PAK4: variants seen among roughly 807,000 people sequenced by gnomAD.
PAK4 encodes the protein p21 (RAC1) activated kinase 4.
A neutral mutation model predicts 53.5 loss-of-function variants in PAK4; 49 were observed. That is an observed-to-expected ratio of 0.92 (90% confidence interval 0.73 to 1.16). The LOEUF (loss-of-function observed/expected upper bound fraction) is 1.16, where lower values mean the gene tolerates loss of function less well. Ranked by LOEUF, PAK4 falls within the 50% of genes most tolerant of loss-of-function variation. The probability of loss-of-function intolerance (pLI) is 0.00; values close to 1 mark genes in which losing one functional copy is unlikely to be tolerated. For synonymous variants in PAK4, 376 were observed against 375.6 expected (o/e 1.00, Z -0.01); for missense variants, 824 against 850.7 (o/e 0.97, Z 0.39).
rs1383192619 is a variant in PAK4, at chr19:39,174,924, T to C, written c.1099-7T>C. 1.2e-6 allele frequency: 2 copies of C among 1,612,804 alleles called. No homozygotes were observed. The highest frequency in any genetic ancestry group is 3.3e-5 in the Admixed American group (2 of 59,974). Reference sequence around the variant, plus strand: ...CTCCCTCCACCACTGACCCAGCCCCTGCACAGGTGGTAATCATGAGGGACT... The same window carrying C: ...CTCCCTCCACCACTGACCCAGCCCCCGCACAGGTGGTAATCATGAGGGACT... On this transcript the variant is annotated splice_region_variant and splice_polypyrimidine_tract_variant and intron_variant, in intron 4 of 8. Coordinates refer to ENST00000358301, the Ensembl canonical transcript of PAK4.
rs1183950497 is a variant in PAK4, at chr19:39,173,857, C to T, written c.945C>T (p.Gly315=). ...CCCTGCAGCTGGTGGTGGACCCAGG[C>T]GACCCCCGCTCCTACCTGGACAACT... Residue 315 remains glycine (G), a synonymous_variant, in exon 4 of 9, where the codon GGC becomes GGT. Coordinates refer to ENST00000358301, the Ensembl canonical transcript of PAK4. This position sits in a 1 kb window ranked among gnomAD's most constrained non-coding sequence, Gnocchi z 6.9. 15 of 1,612,540 alleles carry T rather than the reference C, an allele frequency of 9.3e-6. No homozygotes were observed. The highest frequency in any genetic ancestry group is 1.0e-5 in the Non-Finnish European group (12 of 1,179,824).
At chr19:39,130,555 G>C (rs891420163) in intron 1 of PAK4, among the ~76,000 whole-genome samples, 1 of 152,102 alleles carries the variant, frequency 6.6e-6, no homozygotes, top group Non-Finnish European at 1.5e-5. Context: ...GAATGACCTC[G>C]GAATGGTCGA....
intron 1 of PAK4, among the ~76,000 whole-genome samples, chr19:39,166,056 G>C (rs980964082): frequency 6.6e-6 from 1 of 152,218 alleles, no homozygotes. Context: ...AATGGTGACC[G>C]GCACTTACTG....
At chr19:39,153,436 T>C (rs1478442262) in intron 1 of PAK4, among the ~76,000 whole-genome samples, 1 of 151,892 alleles carries the variant, frequency 6.6e-6, no homozygotes, top group Non-Finnish European at 1.5e-5. Context: ...TTTTTGTGTT[T>C]TGTTGTTGTT....
intron 1 of PAK4, among the ~76,000 whole-genome samples, chr19:39,135,663 G>A (rs1032684586): frequency 1.3e-5 from 2 of 151,944 alleles, no homozygotes; most frequent in African/African-American, 2.4e-5. Context: ...CCAGCTTTGC[G>A]CTGGGGCCCA....
At chr19:39,179,220 T>C (rs1427856762) in exon 9 of PAK4, 1 of 152,590 alleles carries the variant, frequency 6.6e-6, no homozygotes, top group African/African-American at 2.4e-5. Flanking sequence ...TAGAAGTCTA[T>C]TTATATTGTC....
chr19:39,165,345 A>AC (rs2074354795), intron 1 of PAK4, among the ~76,000 whole-genome samples: 1 of 119,332 alleles, frequency 8.4e-6, no homozygotes, highest in Non-Finnish European at 1.8e-5. Context: ...TACTAAAAAT[A>AC]CAAAAAAAAA....
Position 39,173,482 on chromosome 19 carries a change from A to C in PAK4, c.664-94A>C. ...ACCGTGCATCTCATCCTGACCACCC[A>C]TGTGTCTGTCCCATCGCTGGGTCTC... is the stretch of plus-strand genomic sequence containing the variant. On this transcript the variant is annotated intron_variant, in intron 3 of 8. Coordinates refer to ENST00000358301, the Ensembl canonical transcript of PAK4. The surrounding 1 kb of genome is among the most constrained non-coding windows in gnomAD (Gnocchi z 6.9). 7.6e-7 allele frequency: 1 copy of C among 1,321,340 alleles called. No homozygotes were observed. The highest frequency in any genetic ancestry group is 1.0e-6 in the Non-Finnish European group (1 of 977,424). 81.9% of individuals were successfully genotyped at this position (1,321,340 alleles called of 1,614,324 possible). A position where few individuals can be genotyped will look rare whatever the true frequency, so the allele number is the denominator to read the frequency against.
At chr19:39,155,162 G>A (rs1243541996) in intron 1 of PAK4, among the ~76,000 whole-genome samples, 1 of 152,122 alleles carries the variant, frequency 6.6e-6, no homozygotes, top group Non-Finnish European at 1.5e-5. Flanking sequence ...TCCTGGGTCC[G>A]GGCACCCAGC....
At position 39,173,613 on chromosome 19, in the gene PAK4, C is replaced by T. The variant is rs781089350; in HGVS notation, c.701C>T (p.Ala234Val). The change falls in exon 4 of 9, where the codon GCG (alanine) becomes GTG (valine). Residue 234 changes from alanine (A) to valine (V), a missense_variant. Physicochemically the swap from Ala to Val is moderately conservative, Grantham distance 64 (BLOSUM62 0). Around this residue, in one of 2 missense-constraint regions of PAK4, gnomAD observed 478 missense variants for 435.8 expected, o/e 1.10. Transcript: ENST00000358301. This position sits in a 1 kb window ranked among gnomAD's most constrained non-coding sequence, Gnocchi z 6.9. ...GACGTGGCCCCTAACGGGCCATCAG[C>T]GGGGGGCCTGGCCATCCCCCAGTCC... The T allele has an allele frequency of 5.9e-6, 9 of 1,535,086 alleles. No homozygotes were observed. Among genetic ancestry groups the T allele is most frequent in the Admixed American group, 4.2e-5 (2 of 47,472 alleles).
Position 39,173,529 on chromosome 19 carries a change from C to G in PAK4, c.664-47C>G, listed in dbSNP as rs770848781. On this transcript the variant is annotated intron_variant, in intron 3 of 8. Coordinates refer to ENST00000358301, the Ensembl canonical transcript of PAK4. The surrounding 1 kb of genome is among the most constrained non-coding windows in gnomAD (Gnocchi z 6.9). ...TCTCTCTCCTGCTTAGGGAGCAGAG[C>G]TGCTCCCTGGCACCCATCACTGACA... 1.6e-5 allele frequency: 24 copies of G among 1,457,552 alleles called. No individual in the cohort carries two copies. The highest frequency in any genetic ancestry group is 2.2e-5 in the Non-Finnish European group (24 of 1,081,138). The allele number at this position is 1,457,552 out of a possible 1,614,324, so 90.3% of individuals were successfully genotyped here. A position where few individuals can be genotyped will look rare whatever the true frequency, so the allele number is the denominator to read the frequency against.
chr19:39,148,351 T>C (rs1568506361), intron 1 of PAK4, among the ~76,000 whole-genome samples: 1 of 152,016 alleles, frequency 6.6e-6, no homozygotes, highest in Non-Finnish European at 1.5e-5. Context: ...ATACGGACTT[T>C]TGCAGAGCAA....
At chr19:39,176,529 C>A in intron 6 of PAK4, 61 bp from the exon 8 acceptor site, 1 of 1,606,316 alleles carries the variant, frequency 6.2e-7, no homozygotes, top group East Asian at 2.2e-5. Context: ...CAGGCAGACG[C>A]CCCTGCTCGC....
chr19:39,169,679 G>A, exon 2 of PAK4: 6 of 1,613,162 alleles, frequency 3.7e-6, no homozygotes, highest in Non-Finnish European at 5.1e-6. Context: ...GGCAGAGCCT[G>A]ATCGAGGAGT....
chr19:39,129,336 T>C (rs2145090135), intron 1 of PAK4, among the ~76,000 whole-genome samples: 1 of 152,184 alleles, frequency 6.6e-6, no homozygotes, highest in South Asian at 2.1e-4. Flanking sequence ...TGTTCACCTG[T>C]TGATGGCCAC....
chr19:39,176,941 T>C (rs1292195462), intron 7 of PAK4, among the ~76,000 whole-genome samples: 1 of 151,982 alleles, frequency 6.6e-6, no homozygotes, highest in African/African-American at 2.4e-5. Context: ...CAATCTCAGC[T>C]CACTGCAACC....
chr19:39,174,054 C>T (rs1424363523), intron 4 of PAK4, 44 bp downstream of exon 5: 8 of 1,235,176 alleles, frequency 6.5e-6, no homozygotes, highest in Non-Finnish European at 8.9e-6. Context: ...CCTCCCACCC[C>T]TCCCTCCCAC....
At chr19:39,128,119 C>T (rs1474581799) in intron 1 of PAK4, among the ~76,000 whole-genome samples, 1 of 152,208 alleles carries the variant, frequency 6.6e-6, no homozygotes, top group South Asian at 2.1e-4. Flanking sequence ...CCCTCTCCAT[C>T]ACTCACAGAG....
chr19:39,155,483 A>G (rs1190788891), intron 1 of PAK4, among the ~76,000 whole-genome samples: 1 of 151,926 alleles, frequency 6.6e-6, no homozygotes, highest in Non-Finnish European at 1.5e-5. Flanking sequence ...AGGTGCCTCA[A>G]GTGGGGCCGG....
Sources: gnomAD v4.1 joint callset for allele counts (sites outside exome capture counted in the v4.1 genomes callset) on GRCh38, gnomAD v4.1.1 for gene constraint, gnomAD v4.1.1 regional missense constraint, Gnocchi (gnomAD v3.1) non-coding constraint, MANE v1.5 for transcripts, NCBI Gene and HGNC (gene_info 2026-07-23, HGNC 2026-07-21) for gene names.